PPM1L: variants seen among roughly 807,000 people sequenced by gnomAD.
The protein encoded by PPM1L is protein phosphatase 1L.
In PPM1L, 13 loss-of-function variants were observed where a neutral mutation model predicts 31.4. The ratio of observed to expected loss-of-function variants is 0.41; its 90% CI spans 0.27 to 0.66. PPM1L has a LOEUF of 0.66. Ranked by LOEUF, PPM1L falls within the 30% of genes least tolerant of loss-of-function variation. PPM1L has a pLI of 0.29. For missense variants in PPM1L, 326 were observed against 453.7 expected (o/e 0.72, Z 2.56); for synonymous variants, 184 against 175.4 (o/e 1.05, Z -0.39).
Position 160,832,718 on chromosome 3 carries a change from T to A in PPM1L, c.399+76011T>A, listed in dbSNP as rs146857964. Among the ~76,000 whole-genome samples the A allele has an allele frequency of 5.8e-4, 89 of 152,294 alleles. No homozygotes were observed. The East Asian group carries it at 0.012, about 20-fold the overall frequency. On this transcript the variant is annotated intron_variant, in intron 1 of 3. Coordinates refer to ENST00000498165, the MANE Select transcript of PPM1L (RefSeq NM_139245.4). ...CATTGGTGCAATAATGTTAACTACA[T>A]TGCAGAATTTACATTTACTTTTTAC... is the stretch of plus-strand genomic sequence containing the variant.
chr3:160,975,479 A>G (rs536922601), intron 2 of PPM1L, among the ~76,000 whole-genome samples: 2 of 152,324 alleles, frequency 1.3e-5, no homozygotes, highest in African/African-American at 4.8e-5. Context: ...GGCCATTTTC[A>G]CGATATTGAG....
At chr3:160,877,643 G>A (rs1029777493) in intron 1 of PPM1L, among the ~76,000 whole-genome samples, 5 of 151,880 alleles carry the variant, frequency 3.3e-5, no homozygotes, top group African/African-American at 4.8e-5. Flanking sequence ...TCTCTCCTAC[G>A]AGAGAGAGGC....
At chr3:160,833,444 G>GT in intron 1 of PPM1L, among the ~76,000 whole-genome samples, 1 of 152,068 alleles carries the variant, frequency 6.6e-6, no homozygotes, top group African/African-American at 2.4e-5. Context: ...AGCATCTGTT[G>GT]TTTTTTGACT....
intron 1 of PPM1L, among the ~76,000 whole-genome samples, chr3:160,862,705 A>ACAC (rs1560130395): frequency 0.011 from 935 of 83,984 alleles, 18 homozygotes; most frequent in African/African-American, 0.032. Context: ...CACACACACA[A>ACAC]AATTCTGAAA....
chr3:160,948,644 G>T (rs1209198199), intron 1 of PPM1L, among the ~76,000 whole-genome samples: 1 of 152,146 alleles, frequency 6.6e-6, no homozygotes, highest in Non-Finnish European at 1.5e-5. Flanking sequence ...AGTACACAAG[G>T]TCAGTTAGTT....
intron 2 of PPM1L, among the ~76,000 whole-genome samples, chr3:161,003,913 G>T (rs1431564961): frequency 6.7e-6 from 1 of 150,354 alleles, no homozygotes; most frequent in Non-Finnish European, 1.5e-5. Flanking sequence ...TCCCTGTCTT[G>T]TGCCCGTTTT....
In PPM1L at chr3:160,944,957, T is replaced by TG. The variant is rs1483278160; in HGVS notation, c.400-16779_400-16778insG. 8.0e-4 allele frequency among the ~76,000 whole-genome samples: 40 copies of TG among 50,140 alleles called. 3 individuals are homozygous for TG. Among genetic ancestry groups the TG allele is most frequent in the African/African-American group, 2.1e-3 (25 of 11,850 alleles). 32.9% of individuals were successfully genotyped at this position (50,140 alleles called of 152,430 possible). A position where few individuals can be genotyped will look rare whatever the true frequency, so the allele number is the denominator to read the frequency against. On this transcript the variant is annotated intron_variant, in intron 1 of 3. Coordinates refer to ENST00000498165, the MANE Select transcript of PPM1L (RefSeq NM_139245.4). Reference sequence around the variant, plus strand: ...TATATTATATATAACTATATATAACTATATAACATATATTATATATAACTA... The same window carrying TG: ...TATATTATATATAACTATATATAACTGATATAACATATATTATATATAACTA...
Position 160,944,886 on chromosome 3 carries a change from A to ATAATATATG in PPM1L, c.400-16849_400-16848insAATATATGT, listed in dbSNP as rs199625635. ...ATATAATGTTATATATAACATATAT[A>ATAATATATG]TTATATATAACTGATGTTACATATA... is the stretch of plus-strand genomic sequence containing the variant. On this transcript the variant is annotated intron_variant, in intron 1 of 3. Coordinates refer to ENST00000498165, the MANE Select transcript of PPM1L (RefSeq NM_139245.4). Among the ~76,000 whole-genome samples, 134 of 46,882 alleles carry ATAATATATG rather than the reference A, an allele frequency of 2.9e-3. 13 individuals are homozygous for ATAATATATG. Among genetic ancestry groups the ATAATATATG allele is most frequent in the African/African-American group, 6.6e-3 (113 of 17,010 alleles). 30.8% of individuals were successfully genotyped at this position (46,882 alleles called of 152,430 possible).
intron 1 of PPM1L, among the ~76,000 whole-genome samples, chr3:160,849,712 C>T (rs1300360337): frequency 6.6e-6 from 1 of 151,774 alleles, no homozygotes; most frequent in African/African-American, 2.4e-5. Flanking sequence ...GCGCCCGCCA[C>T]CACGCCCGGC....
chr3:161,059,566 G>T (rs756956082), intron 2 of PPM1L, among the ~76,000 whole-genome samples: 1 of 152,060 alleles, frequency 6.6e-6, no homozygotes, highest in Non-Finnish European at 1.5e-5. Flanking sequence ...CTATTAATTT[G>T]CTTATTTAGC....
In PPM1L at chr3:161,068,914, A is replaced by G. The variant is rs1218668385; in HGVS notation, c.840A>G (p.Pro280=). The change falls in exon 4 of 4, where the codon CCA becomes CCG. Residue 280 remains proline, a synonymous_variant. Coordinates refer to ENST00000498165, the MANE Select transcript of PPM1L (RefSeq NM_139245.4). ...TGAAAAATCTCAACGTGGTCATCCC[A>G]GACCCAGACATCCTGACCTTTGACC... ...YPLKNLNVVI[P]DPDILTFDLD... 1.2e-6 allele frequency: 2 copies of G among 1,614,072 alleles called. No individual in the cohort carries two copies. Among genetic ancestry groups the G allele is most frequent in the African/African-American group, 2.7e-5 (2 of 74,926 alleles).
intron 2 of PPM1L, among the ~76,000 whole-genome samples, chr3:161,060,535 A>G (rs1428528675): frequency 2.6e-5 from 4 of 152,158 alleles, no homozygotes; most frequent in African/African-American, 4.8e-5. Context: ...TTTAGAGGTA[A>G]GAGTAACAGA....
At chr3:160,991,183 C>T (rs958479812) in intron 2 of PPM1L, among the ~76,000 whole-genome samples, 1 of 151,936 alleles carries the variant, frequency 6.6e-6, no homozygotes, top group African/African-American at 2.4e-5. Flanking sequence ...GGCTGGTGGG[C>T]CACAGATTGG....
intron 1 of PPM1L, among the ~76,000 whole-genome samples, chr3:160,840,612 T>G (rs2108104352): frequency 6.6e-6 from 1 of 152,012 alleles, no homozygotes; most frequent in African/African-American, 2.4e-5. Context: ...CAATCTATGG[T>G]CAAAGACCTG....
chr3:161,052,112 G>GC (rs1261053233), intron 2 of PPM1L, among the ~76,000 whole-genome samples: 1 of 152,194 alleles, frequency 6.6e-6, no homozygotes, highest in Non-Finnish European at 1.5e-5. Context: ...GCGGTTCTCA[G>GC]CAGTTTTCTC....
chr3:160,888,328 T>A (rs1389771840), intron 1 of PPM1L, among the ~76,000 whole-genome samples: 1 of 152,176 alleles, frequency 6.6e-6, no homozygotes, highest in Non-Finnish European at 1.5e-5. Context: ...AATAAAGGGA[T>A]GGAGGAATAT....
chr3:160,839,317 A>AT (rs1227722860), intron 1 of PPM1L, among the ~76,000 whole-genome samples: 1 of 152,064 alleles, frequency 6.6e-6, no homozygotes, highest in African/African-American at 2.4e-5. Context: ...TTTCTAGTAC[A>AT]TTTTTTCCCA....
intron 1 of PPM1L, among the ~76,000 whole-genome samples, chr3:160,952,987 T>A (rs925657188): frequency 6.6e-6 from 1 of 152,176 alleles, no homozygotes; most frequent in Non-Finnish European, 1.5e-5. Context: ...AATTGTGAAA[T>A]TTGAGGGGTA....
intron 2 of PPM1L, among the ~76,000 whole-genome samples, chr3:161,029,321 G>T (rs998865578): frequency 2.0e-5 from 3 of 152,144 alleles, no homozygotes; most frequent in Non-Finnish European, 4.4e-5. Context: ...ACTAGCTAAG[G>T]TCATACAAAT....
Sources: allele counts gnomAD v4.1 joint callset (sites outside exome capture counted in the v4.1 genomes callset), GRCh38; gene constraint gnomAD v4.1.1; transcripts MANE v1.5; gene names NCBI Gene and HGNC (gene_info 2026-07-23, HGNC 2026-07-21).